SAXO1: variants seen among roughly 807,000 people sequenced by gnomAD.
The protein encoded by SAXO1 is 4930500O09Rik.
In SAXO1, 21 loss-of-function variants were observed where a neutral mutation model predicts 17.5. The ratio of observed to expected loss-of-function variants is 1.20; its 90% CI spans 0.85 to 1.72. The LOEUF (loss-of-function observed/expected upper bound fraction) is 1.72, where lower values mean the gene tolerates loss of function less well. SAXO1 is among the 40% of genes most tolerant of loss of function. SAXO1 has a pLI of 0.00. For synonymous variants in SAXO1, 274 were observed against 216.5 expected (o/e 1.27, Z -2.33); for missense variants, 843 against 596.0 (o/e 1.41, Z -4.32).
At chr9:18,974,417 A>AG (rs1405485331) in intron 1 of SAXO1, among the ~76,000 whole-genome samples, 1 of 152,256 alleles carries the variant, frequency 6.6e-6, no homozygotes, top group African/African-American at 2.4e-5. Context: ...CAACAAACAC[A>AG]GTGAACAATC....
intron 1 of SAXO1, chr9:19,027,664 G>A (rs1416588439): frequency 1.5e-6 from 2 of 1,370,368 alleles, no homozygotes. Context: ...TGGCCAAGGA[G>A]AAAGCGCCCT....
At chr9:18,982,261 C>A (rs1050616633) in intron 1 of SAXO1, among the ~76,000 whole-genome samples, 1 of 152,158 alleles carries the variant, frequency 6.6e-6, no homozygotes, top group African/African-American at 2.4e-5. Context: ...GTCCCAGGCA[C>A]CAAGACAAGA....
At chr9:18,975,019 T>C (rs1247725029) in intron 1 of SAXO1, among the ~76,000 whole-genome samples, 1 of 152,206 alleles carries the variant, frequency 6.6e-6, no homozygotes, top group Non-Finnish European at 1.5e-5. Flanking sequence ...AGCATCATCA[T>C]GACTGTGTAG....
intron 2 of SAXO1, among the ~76,000 whole-genome samples, chr9:18,949,768 C>A (rs796240001): frequency 1.8e-4 from 28 of 152,160 alleles, no homozygotes; most frequent in African/African-American, 6.5e-4. Flanking sequence ...CATCTGGGAC[C>A]TTTACTAGCA....
intron 1 of SAXO1, among the ~76,000 whole-genome samples, chr9:18,964,679 T>C (rs1467227240): frequency 6.6e-6 from 1 of 152,206 alleles, no homozygotes; most frequent in African/African-American, 2.4e-5. Flanking sequence ...GCTAGTGGTC[T>C]ACTTTGTTAA....
chr9:18,962,461 T>C (rs1246458466), intron 1 of SAXO1, among the ~76,000 whole-genome samples: 1 of 152,236 alleles, frequency 6.6e-6, no homozygotes, highest in African/African-American at 2.4e-5. Context: ...GAGAAGTGTC[T>C]GTTCACATCA....
At chr9:18,985,051 C>A (rs556356787) in intron 1 of SAXO1, among the ~76,000 whole-genome samples, 2 of 151,952 alleles carry the variant, frequency 1.3e-5, no homozygotes, top group Non-Finnish European at 2.9e-5. Context: ...CAGATATTTT[C>A]AAATATTTGC....
Position 19,038,656 on chromosome 9 carries a change from A to G in SAXO1, c.-158+10553T>C, listed in dbSNP as rs575803327. Reference sequence around the variant, plus strand: ...TAGCATGAGGGATATACCTAATGCTAAATGACGAGTTAATGGGTGCAGTAC... The same window carrying G: ...TAGCATGAGGGATATACCTAATGCTGAATGACGAGTTAATGGGTGCAGTAC... On this transcript the variant is annotated intron_variant, in intron 1 of 3. Transcript: ENST00000542071. 4.2e-3 allele frequency among the ~76,000 whole-genome samples: 642 copies of G among 151,410 alleles called. 3 individuals carry two copies. The highest frequency in any genetic ancestry group is 0.015 in the African/African-American group (619 of 41,322).
At chr9:18,940,039 G>A (rs1831485317) in intron 3 of SAXO1, among the ~76,000 whole-genome samples, 1 of 152,224 alleles carries the variant, frequency 6.6e-6, no homozygotes, top group South Asian at 2.1e-4. Context: ...GGGCTGAAGA[G>A]AGAGGGACTC....
intron 1 of SAXO1, among the ~76,000 whole-genome samples, chr9:18,953,264 T>G (rs573858664): frequency 6.6e-6 from 1 of 152,248 alleles, no homozygotes; most frequent in Non-Finnish European, 1.5e-5. Context: ...CTTTCCCTTT[T>G]CAGTGCCCCT....
At chr9:18,966,441 T>C (rs573729171) in intron 1 of SAXO1, among the ~76,000 whole-genome samples, 1 of 152,336 alleles carries the variant, frequency 6.6e-6, no homozygotes, top group East Asian at 1.9e-4. Context: ...TTTTTTCCTT[T>C]TCATTCTTTT....
Position 18,941,704 on chromosome 9 carries a change from G to A in SAXO1, c.354C>T (p.Asp118=). ...ATTTACTGTCCCGAGGTTTGATGGGGTCCACTCGACAGACAGGGTAGGGAT... is the reference window on the plus strand; with the variant it reads ...ATTTACTGTCCCGAGGTTTGATGGGATCCACTCGACAGACAGGGTAGGGAT... ...DYNPYPVCRV[D]PIKPRDSKYP... The change falls in exon 3 of 4, where the codon GAC becomes GAT. Residue 118 remains aspartate (D), a synonymous_variant. Coordinates refer to ENST00000380534, the MANE Select transcript of SAXO1 (RefSeq NM_153707.4). 6.2e-7 allele frequency: 1 copy of A among 1,614,182 alleles called. No individual in the cohort carries two copies. Among genetic ancestry groups the A allele is most frequent in the South Asian group, 1.1e-5 (1 of 91,080 alleles).
intron 3 of SAXO1, among the ~76,000 whole-genome samples, chr9:18,930,379 T>C (rs1440016797): frequency 6.6e-6 from 1 of 152,180 alleles, no homozygotes; most frequent in South Asian, 2.1e-4. Context: ...GGCAGCACTG[T>C]AAGCCTTTGA....
intron 1 of SAXO1, among the ~76,000 whole-genome samples, chr9:18,962,358 G>A (rs1196229532): frequency 6.6e-6 from 1 of 152,130 alleles, no homozygotes; most frequent in African/African-American, 2.4e-5. Flanking sequence ...ATGAGCCACC[G>A]CACCCGGCTC....
chr9:18,973,602 A>G (rs1833030423), intron 1 of SAXO1, among the ~76,000 whole-genome samples: 1 of 152,210 alleles, frequency 6.6e-6, no homozygotes, highest in East Asian at 1.9e-4. Context: ...GCACTGGATA[A>G]GACAAGCTGG....
At chr9:19,027,167 TC>T (rs1835514393) in intron 1 of SAXO1, 7 of 1,192,532 alleles carry the variant, frequency 5.9e-6, no homozygotes, top group Non-Finnish European at 8.8e-6. Flanking sequence ...AGGAGGATGG[TC>T]CAAATATTGA....
upstream of SAXO1, among the ~76,000 whole-genome samples, chr9:19,033,470 C>A (rs1419123170): frequency 6.6e-6 from 1 of 152,234 alleles, no homozygotes; most frequent in African/African-American, 2.4e-5. Context: ...CTCACCATCA[C>A]CTTGGGTGGC....
chr9:18,956,110 A>ATTT (rs34950206), intron 1 of SAXO1, among the ~76,000 whole-genome samples: 1 of 128,808 alleles, frequency 7.8e-6, no homozygotes, highest in Non-Finnish European at 1.6e-5. Flanking sequence ...AACCTGGCTA[A>ATTT]TTTTTTTTTT....
At position 18,950,783 on chromosome 9, in the gene SAXO1, G is replaced by T; in HGVS notation, c.193C>A (p.Pro65Thr). 6.2e-7 allele frequency: 1 copy of T among 1,613,592 alleles called. No individual in the cohort carries two copies. The highest frequency in any genetic ancestry group is 1.3e-5 in the African/African-American group (1 of 74,998). ...CTTGATGTAGTCAGGCCTTCCATTG[G>T]TATAGGCCCTTTCTGGTACTCCCGC... ...PRREYQKGPI[P>T]MEGLTTSRRD... The change falls in exon 2 of 4, where the codon CCA becomes ACA. Residue 65 changes from proline (P) to threonine (T), a missense_variant. By Grantham distance (38) the Pro-to-Thr change is conservative. Transcript: ENST00000380534.
Sources: allele counts gnomAD v4.1 joint callset (sites outside exome capture counted in the v4.1 genomes callset), GRCh38; gene constraint gnomAD v4.1.1; transcripts MANE v1.5; gene names NCBI Gene and HGNC (gene_info 2026-07-23, HGNC 2026-07-21).